TENM3: variants seen among roughly 807,000 people sequenced by gnomAD.
TENM3 encodes teneurin-3.
Under a neutral mutation model 255.1 loss-of-function variants are expected in TENM3, and 63 were observed. That is an observed-to-expected ratio of 0.25 (90% CI 0.20 to 0.30). TENM3 has a LOEUF of 0.30. TENM3 is among the 10% of genes least tolerant of loss of function. The pLI is 1.00. For synonymous variants in TENM3, 1,306 were observed against 1,322.3 expected, an observed-to-expected ratio of 0.99 and a Z score of 0.27; for missense variants, 2,929 against 3,461.1, an observed-to-expected ratio of 0.85 and a Z score of 3.86.
chr4:181,812,248 T>G, the TENM3 span, among the ~76,000 whole-genome samples: 1 of 152,310 alleles, frequency 6.6e-6, no homozygotes, highest in South Asian at 2.1e-4. Context: ...TTTTCCAATA[T>G]CCTCGAGTAA....
At chr4:181,609,001 C>T in the TENM3 span, among the ~76,000 whole-genome samples, 11 of 152,078 alleles carry the variant, frequency 7.2e-5, no homozygotes, top group South Asian at 1.2e-3. Flanking sequence ...TGGGAAGTTA[C>T]GGTTTTGCTT....
At chr4:182,791,182 A>C (rs372163917) in intron 25 of TENM3, among the ~76,000 whole-genome samples, 2 of 152,326 alleles carry the variant, frequency 1.3e-5, no homozygotes, top group South Asian at 2.1e-4. Flanking sequence ...AATTCTCAGG[A>C]CATTTACTAC....
upstream of TENM3, among the ~76,000 whole-genome samples, chr4:182,240,995 C>T (rs1045039207): frequency 6.6e-6 from 1 of 152,204 alleles, no homozygotes; most frequent in African/African-American, 2.4e-5. Context: ...CGCTTCTCAT[C>T]ACCACCTACA....
the TENM3 span, among the ~76,000 whole-genome samples, chr4:181,629,400 T>C: frequency 7.4e-4 from 113 of 152,312 alleles, no homozygotes; most frequent in African/African-American, 2.6e-3. Flanking sequence ...AGAGAGCGCA[T>C]CCCTGTCTTG....
chr4:182,175,105 A>T (rs1183491928), intron 1 of TENM3, among the ~76,000 whole-genome samples: 1 of 152,052 alleles, frequency 6.6e-6, no homozygotes, highest in Non-Finnish European at 1.5e-5. Context: ...GGCTGATAAC[A>T]TGATCATAAT....
chr4:182,227,543 A>T (rs1756246880), intron 1 of TENM3, among the ~76,000 whole-genome samples: 1 of 151,972 alleles, frequency 6.6e-6, no homozygotes, highest in Admixed American at 6.6e-5. Flanking sequence ...TACTCTCAGC[A>T]CATGGTTTAC....
At chr4:181,726,554 A>G in the TENM3 span, among the ~76,000 whole-genome samples, 2 of 152,152 alleles carry the variant, frequency 1.3e-5, no homozygotes, top group East Asian at 3.8e-4. Flanking sequence ...ATAAGAAATA[A>G]ATTTATTGGA....
chr4:182,750,777 G>C (rs578211871), intron 19 of TENM3, among the ~76,000 whole-genome samples: 1 of 152,026 alleles, frequency 6.6e-6, no homozygotes, highest in Admixed American at 6.6e-5. Context: ...AACTAAGTTC[G>C]TCATCAAAAG....
At chr4:182,035,829 G>A in the TENM3 span, among the ~76,000 whole-genome samples, 1 of 152,052 alleles carries the variant, frequency 6.6e-6, no homozygotes, top group African/African-American at 2.4e-5. Context: ...ATTGTTCTCA[G>A]GATGAAAATC....
intron 6 of TENM3, among the ~76,000 whole-genome samples, chr4:182,671,949 C>T (rs893378268): frequency 6.6e-6 from 1 of 152,132 alleles, no homozygotes; most frequent in Non-Finnish European, 1.5e-5. Context: ...CTCCTGCGCT[C>T]AAGTGATCCT....
intron 1 of TENM3, among the ~76,000 whole-genome samples, chr4:182,255,050 A>G (rs1195139220): frequency 6.6e-6 from 1 of 152,196 alleles, no homozygotes; most frequent in Non-Finnish European, 1.5e-5. Flanking sequence ...TTCGGAAAAT[A>G]TCTTAAATTT....
At chr4:181,637,413 T>G in the TENM3 span, among the ~76,000 whole-genome samples, 1 of 152,110 alleles carries the variant, frequency 6.6e-6, no homozygotes, top group Admixed American at 6.5e-5. Flanking sequence ...TAGGTGGAAA[T>G]TTATACCCAC....
At chr4:181,500,357 C>A in the TENM3 span, among the ~76,000 whole-genome samples, 1 of 151,024 alleles carries the variant, frequency 6.6e-6, no homozygotes, top group African/African-American at 2.4e-5. Context: ...AATGTTGCAG[C>A]TTTTCTCAGG....
intron 3 of TENM3, among the ~76,000 whole-genome samples, chr4:182,489,220 G>A (rs1224666645): frequency 1.3e-5 from 2 of 151,884 alleles, no homozygotes; most frequent in Admixed American, 6.6e-5. Flanking sequence ...AGCCTTATGA[G>A]AAATAGTACA....
At chr4:182,034,520 G>A in the TENM3 span, among the ~76,000 whole-genome samples, 2 of 152,148 alleles carry the variant, frequency 1.3e-5, no homozygotes, top group Non-Finnish European at 2.9e-5. Context: ...GTAGTGGCTG[G>A]TAAGTTTTTC....
intron 13 of TENM3, among the ~76,000 whole-genome samples, chr4:182,717,392 G>A (rs1161581089): frequency 2.0e-5 from 3 of 152,160 alleles, no homozygotes; most frequent in Non-Finnish European, 4.4e-5. Context: ...ATAGGTCCTT[G>A]TTTCCTTTCA....
At chr4:182,610,076 C>A (rs1260676487) in intron 4 of TENM3, among the ~76,000 whole-genome samples, 1 of 152,058 alleles carries the variant, frequency 6.6e-6, no homozygotes, top group Non-Finnish European at 1.5e-5. Context: ...ATCACTAAAT[C>A]CTCAACTTAA....
chr4:182,544,676 C>G (rs190370831), intron 3 of TENM3, among the ~76,000 whole-genome samples: 24 of 152,178 alleles, frequency 1.6e-4, no homozygotes, highest in African/African-American at 5.1e-4. Context: ...AGTTGTGTTG[C>G]TCATCTTCTC....
At chr4:181,958,065 C>A in the TENM3 span, among the ~76,000 whole-genome samples, 14 of 152,266 alleles carry the variant, frequency 9.2e-5, no homozygotes, top group African/African-American at 3.1e-4. Context: ...AAGTAAGCTT[C>A]TTTGAACTAA....
Sources: gnomAD v4.1 joint callset for allele counts (sites outside exome capture counted in the v4.1 genomes callset) on GRCh38, gnomAD v4.1.1 for gene constraint, MANE v1.5 for transcripts, NCBI Gene and HGNC (gene_info 2026-07-23, HGNC 2026-07-21) for gene names.